ALG14: variants seen among roughly 807,000 people sequenced by gnomAD.
The protein encoded by ALG14 is ALG14 UDP-N-acetylglucosaminyltransferase subunit.
In ALG14, 17 loss-of-function variants were observed where a neutral mutation model predicts 22.8. That is an observed-to-expected ratio of 0.75 (90% CI 0.51 to 1.12). ALG14 has a LOEUF of 1.12. Among genes scored for constraint, ALG14 ranks in the 50% most tolerant of loss-of-function variants. The pLI, the probability that ALG14 is intolerant of heterozygous loss-of-function variation, is 0.00. For synonymous variants in ALG14, 89 were observed against 103.7 expected, an observed-to-expected ratio of 0.86 and a Z score of 0.86; for missense variants, 288 against 271.8, an observed-to-expected ratio of 1.06 and a Z score of -0.42.
At position 95,071,760 on chromosome 1, in the gene ALG14, G is replaced by A. The variant is rs964505895; in HGVS notation, c.136+1003C>T. 1.1e-4 allele frequency among the ~76,000 whole-genome samples: 16 copies of A among 152,114 alleles called. 1 individual carries two copies. Among genetic ancestry groups the A allele is most frequent in the African/African-American group, 3.6e-4 (15 of 41,426 alleles). On this transcript the variant is annotated intron_variant, in intron 1 of 3. Transcript: ENST00000370205. ...TTCAGTTTAGCATCATTTCTTCCAGGAAGCTGTCTGTTTTTTAAGACCTGA... is the reference window on the plus strand; with the variant it reads ...TTCAGTTTAGCATCATTTCTTCCAGAAAGCTGTCTGTTTTTTAAGACCTGA...
intron 1 of ALG14, among the ~76,000 whole-genome samples, chr1:95,069,207 G>A (rs918119345): frequency 3.9e-5 from 6 of 152,128 alleles, no homozygotes; most frequent in African/African-American, 9.7e-5. Context: ...AGTCATGTGC[G>A]GTGGCACGTG....
intron 2 of ALG14, among the ~76,000 whole-genome samples, chr1:95,031,824 T>A (rs988119144): frequency 2.0e-5 from 3 of 152,170 alleles, no homozygotes; most frequent in African/African-American, 7.2e-5. Flanking sequence ...GAACTTACTT[T>A]TTAGACGGAG....
chr1:95,019,983 C>T (rs759459281), intron 3 of ALG14, among the ~76,000 whole-genome samples: 3 of 152,046 alleles, frequency 2.0e-5, no homozygotes, highest in Middle Eastern at 3.4e-3. Context: ...TTTTTGAGAC[C>T]GAGGCGGGTG....
intron 2 of ALG14, among the ~76,000 whole-genome samples, chr1:95,038,493 CAACA>C (rs775946761): frequency 1.1e-4 from 16 of 151,376 alleles, no homozygotes; most frequent in Non-Finnish European, 1.5e-4. Context: ...ATCTCAAAAA[CAACA>C]AACAAACAAA....
intron 3 of ALG14, among the ~76,000 whole-genome samples, chr1:95,014,238 C>T (rs971621342): frequency 1.9e-4 from 29 of 152,268 alleles, no homozygotes; most frequent in East Asian, 9.6e-4. Context: ...TTGTTCTGGG[C>T]GCTTTGAAGA....
chr1:95,070,490 ATAT>A (rs1418714895), intron 1 of ALG14, among the ~76,000 whole-genome samples: 2 of 152,202 alleles, frequency 1.3e-5, no homozygotes, highest in Non-Finnish European at 2.9e-5. Flanking sequence ...TGTATGGAAA[ATAT>A]TGTAATTTTG....
chr1:95,011,770 A>G (rs1042404860), intron 3 of ALG14, among the ~76,000 whole-genome samples: 6 of 152,228 alleles, frequency 3.9e-5, no homozygotes, highest in African/African-American at 1.4e-4. Flanking sequence ...GTGTTATAGC[A>G]GCCTGCAGAG....
intron 2 of ALG14, among the ~76,000 whole-genome samples, chr1:95,062,417 CACTA>C (rs1322681185): frequency 6.6e-6 from 1 of 152,110 alleles, no homozygotes; most frequent in African/African-American, 2.4e-5. Flanking sequence ...GTCCAGCATC[CACTA>C]ACTATTCTTC....
intron 3 of ALG14, among the ~76,000 whole-genome samples, chr1:94,985,403 A>C (rs1295431567): frequency 6.6e-6 from 1 of 152,250 alleles, no homozygotes; most frequent in Non-Finnish European, 1.5e-5. Context: ...CCAGTAATCA[A>C]GACAACCAAG....
intron 3 of ALG14, among the ~76,000 whole-genome samples, chr1:95,022,676 A>C (rs1673698366): frequency 6.6e-6 from 1 of 152,216 alleles, no homozygotes. Context: ...ATCTTGGAAA[A>C]CATGAAGCAG....
At position 94,981,597 on chromosome 1, in the gene ALG14, T is replaced by C. The variant is rs1235947914; in HGVS notation, c.*1479A>G. 6.6e-6 allele frequency: 1 copy of C among 151,324 alleles called. No homozygotes were observed. The highest frequency in any genetic ancestry group is 1.9e-4 in the East Asian group (1 of 5,182). The allele number at this position is 151,324 out of a possible 1,614,324, so 9.4% of individuals were successfully genotyped here. On this transcript the variant is annotated 3_prime_UTR_variant, in exon 4 of 4. Coordinates refer to ENST00000370205, the MANE Select transcript of ALG14 (RefSeq NM_144988.4). Reference sequence around the variant, plus strand: ...ATCACTATTTATTAGATTTATATCATACTTATAAAGCAAAAGATTTAAGAG... The same window carrying C: ...ATCACTATTTATTAGATTTATATCACACTTATAAAGCAAAAGATTTAAGAG...
intron 2 of ALG14, 57 bp from the exon 3 acceptor site, chr1:95,027,317 A>G: frequency 6.3e-7 from 1 of 1,579,456 alleles, no homozygotes; most frequent in Non-Finnish European, 8.7e-7. Flanking sequence ...AAAGTTAAAC[A>G]TAGTAACAAT....
intron 3 of ALG14, among the ~76,000 whole-genome samples, chr1:95,025,036 A>G (rs1353491701): frequency 6.6e-6 from 1 of 152,212 alleles, no homozygotes; most frequent in Admixed American, 6.5e-5. Context: ...TATGGCAGCT[A>G]CAGCCTTACA....
intron 2 of ALG14, among the ~76,000 whole-genome samples, chr1:95,054,945 T>C (rs1674879409): frequency 6.6e-6 from 1 of 152,188 alleles, no homozygotes; most frequent in Non-Finnish European, 1.5e-5. Context: ...TAGCAATGTA[T>C]TAAAATATAA....
At chr1:95,043,662 G>T (rs925531418) in intron 2 of ALG14, among the ~76,000 whole-genome samples, 4 of 152,108 alleles carry the variant, frequency 2.6e-5, no homozygotes, top group Admixed American at 2.0e-4. Context: ...TTCAACACTT[G>T]GAGGGGCCCG....
At position 94,976,534 on chromosome 1, in the gene ALG14, A is replaced by C. The variant is rs988074161; in HGVS notation, c.*6542T>G. 2.0e-4 allele frequency: 31 copies of C among 152,064 alleles called. No individual in the cohort carries two copies. Among genetic ancestry groups the C allele is most frequent in the African/African-American group, 7.5e-4 (31 of 41,390 alleles). The allele number at this position is 152,064 out of a possible 1,614,324, so 9.4% of individuals were successfully genotyped here. A position where few individuals can be genotyped will look rare whatever the true frequency, so the allele number is the denominator to read the frequency against. ...ATGGTGAAACCCCATCTCTGCTAAAAATACAAAAGTTAGCCGGGCTGGTGG... is the reference window on the plus strand; with the variant it reads ...ATGGTGAAACCCCATCTCTGCTAAACATACAAAAGTTAGCCGGGCTGGTGG... On this transcript the variant is annotated 3_prime_UTR_variant, in exon 4 of 4. Coordinates refer to ENST00000370205, the MANE Select transcript of ALG14 (RefSeq NM_144988.4).
In ALG14 at chr1:94,977,464, AT is replaced by A. The variant is rs936597290; in HGVS notation, c.*5611del. ...ATTTTCATAGTAATATTAAGATGTT[AT>A]TTGCCTTTTCCTTGTCATTCTTATG... is the stretch of plus-strand genomic sequence containing the variant. On this transcript the variant is annotated 3_prime_UTR_variant, in exon 4 of 4. Coordinates refer to ENST00000370205, the MANE Select transcript of ALG14 (RefSeq NM_144988.4). 4 of 152,136 alleles carry A rather than the reference AT, an allele frequency of 2.6e-5. No homozygotes were observed. Among genetic ancestry groups the A allele is most frequent in the African/African-American group, 9.7e-5 (4 of 41,420 alleles). The allele number at this position is 152,136 out of a possible 1,614,324, so 9.4% of individuals were successfully genotyped here.
intron 3 of ALG14, among the ~76,000 whole-genome samples, chr1:95,020,040 A>C (rs565098949): frequency 3.9e-5 from 6 of 151,996 alleles, no homozygotes; most frequent in Non-Finnish European, 8.8e-5. Flanking sequence ...CAACATGGTA[A>C]AACCCCATCT....
At chr1:95,013,929 T>TAAA (rs66637982) in intron 3 of ALG14, among the ~76,000 whole-genome samples, 132 of 145,090 alleles carry the variant, frequency 9.1e-4, no homozygotes, top group African/African-American at 3.3e-3. Flanking sequence ...ACTTTTTTCT[T>TAAA]AAAAAAAAAA....
Sources: allele counts gnomAD v4.1 joint callset (sites outside exome capture counted in the v4.1 genomes callset), GRCh38; gene constraint gnomAD v4.1.1; transcripts MANE v1.5; gene names NCBI Gene and HGNC (gene_info 2026-07-23, HGNC 2026-07-21).